The following DHX29 variants were observed in gnomAD, a reference collection of about 807,000 sequenced individuals.
DHX29 encodes DExH-box helicase 29.
A neutral mutation model predicts 167.9 loss-of-function variants in DHX29; 79 were observed. The observed-to-expected ratio is 0.47, with a 90% CI of 0.39 to 0.57. The LOEUF is 0.57. DHX29 is among the 20% of genes least tolerant of loss of function. The pLI is 0.00. For synonymous variants in DHX29, 530 were observed against 546.0 expected, an observed-to-expected ratio of 0.97 and a Z score of 0.41; for missense variants, 1,347 against 1,593.4, an observed-to-expected ratio of 0.85 and a Z score of 2.63.
At position 55,283,530 on chromosome 5, in the gene DHX29, C is replaced by A. The variant is rs764464538; in HGVS notation, c.1638G>T (p.Leu546Phe). ...LSLESANVEDLEPVRNLFRKL... is the reference protein window; with the variant it reads ...LSLESANVEDFEPVRNLFRKL... ...TTCTAAAGAGGTTTCTAACAGGTTCCAAATCTTCCACATTTGCTGATTCCA... is the reference window on the plus strand; with the variant it reads ...TTCTAAAGAGGTTTCTAACAGGTTCAAAATCTTCCACATTTGCTGATTCCA... The change falls in exon 11 of 27, where the codon TTG becomes TTT. Residue 546 changes from leucine (L) to phenylalanine (F), a missense_variant. Physicochemically the swap from Leu to Phe is conservative, Grantham distance 22 (BLOSUM62 0). Around this residue, in one of 3 missense-constraint regions of DHX29, gnomAD observed 882 missense variants for 1,082.4 expected, o/e 0.81. Transcript: ENST00000251636. The A allele has an allele frequency of 2.5e-6, 4 of 1,614,172 alleles. No homozygotes were observed. The Admixed American group carries it at 6.7e-5, about 27-fold the overall frequency.
intron 16 of DHX29, among the ~76,000 whole-genome samples, chr5:55,273,755 A>C (rs1416409084): frequency 6.6e-6 from 1 of 152,068 alleles, no homozygotes; most frequent in African/African-American, 2.4e-5. Flanking sequence ...TCACCATCTT[A>C]CTTTTTAACC....
At position 55,307,653 on chromosome 5, in the gene DHX29, C is replaced by G. The variant is rs1748959450; in HGVS notation, c.-80G>C. 2 of 1,541,794 alleles carry G rather than the reference C, an allele frequency of 1.3e-6. No individual in the cohort carries two copies. The highest frequency in any genetic ancestry group is 1.8e-6 in the Non-Finnish European group (2 of 1,139,268). ...ACAGCCGAGAGCTCTTCACATTCCC[C>G]GGCTCCGGGGCTGCCACCCTGCGCT... On this transcript the variant is annotated 5_prime_UTR_variant, in exon 1 of 27. Transcript: ENST00000251636.
chr5:55,287,954 A>AAAG (rs1319250007), intron 8 of DHX29, among the ~76,000 whole-genome samples: 2 of 151,156 alleles, frequency 1.3e-5, no homozygotes, highest in Non-Finnish European at 3.0e-5. Context: ...AAAAAAAAAA[A>AAAG]GAAAGAAAGA....
chr5:55,265,532 T>G (rs1746516315), intron 23 of DHX29, among the ~76,000 whole-genome samples: 1 of 152,136 alleles, frequency 6.6e-6, no homozygotes, highest in African/African-American at 2.4e-5. Flanking sequence ...GGACAATGTA[T>G]CTGGTTTCTT....
chr5:55,283,372 C>T lies in DHX29; in HGVS notation c.1796G>A (p.Ser599Asn), dbSNP rs781366157. The change falls in exon 11 of 27, where the codon AGT (serine) becomes AAT (asparagine). Residue 599 changes from serine (S) to asparagine (N), a missense_variant. Transcript: ENST00000251636. ...ATGTGGTACCTGAGTACTTTTACCA[C>T]TCCCTGTTTCACCTGCCACAACCAC... is the stretch of plus-strand genomic sequence containing the variant. ...RVVVVAGETG[S>N]GKSTQVPHFL... 1 of 1,614,082 alleles carries T rather than the reference C, an allele frequency of 6.2e-7. No individual in the cohort carries two copies. Among genetic ancestry groups the T allele is most frequent in the African/African-American group, 1.3e-5 (1 of 74,936 alleles).
In DHX29 at chr5:55,277,259, T is replaced by A; in HGVS notation, c.2133A>T (p.Ser711=). The change falls in exon 13 of 27, where the codon TCA becomes TCT. Residue 711 remains serine, a synonymous_variant. Transcript: ENST00000251636. ...VDEVHERSVQ[S]DFLLIILKEI... is the part of the protein sequence containing the mutation. ...CCTTCAAGATAATTAGTAGGAAGTC[T>A]GACTGGACACTTCTTTCATGAACCT... The A allele has an allele frequency of 6.2e-7, 1 of 1,606,538 alleles. No homozygotes were observed. Among genetic ancestry groups the A allele is most frequent in the Non-Finnish European group, 8.5e-7 (1 of 1,175,524 alleles).
chr5:55,273,467 C>CT, intron 16 of DHX29, 90 bp from the exon 17 acceptor site: 1 of 1,311,210 alleles, frequency 7.6e-7, no homozygotes, highest in Non-Finnish European at 9.8e-7. Context: ...TAGCAAGCAA[C>CT]TTTAAGATTT....
At chr5:55,270,374 G>T (rs761687601) in intron 20 of DHX29, 38 bp downstream of exon 20, 1 of 1,557,700 alleles carries the variant, frequency 6.4e-7, no homozygotes, top group Non-Finnish European at 8.7e-7. Flanking sequence ...CTAGAAAGGG[G>T]CGAAGGACAA....
At chr5:55,262,352 GGATT>G (rs1434780051) in intron 24 of DHX29, among the ~76,000 whole-genome samples, 4 of 151,976 alleles carry the variant, frequency 2.6e-5, no homozygotes, top group Non-Finnish European at 5.9e-5. Context: ...AATACTAAGG[GGATT>G]GATACATTAT....
chr5:55,267,351 T>A, intron 22 of DHX29, 120 bp from the exon 23 acceptor site: 1 of 726,800 alleles, frequency 1.4e-6, no homozygotes, highest in East Asian at 2.7e-5. Flanking sequence ...AGGGGAGGGA[T>A]CTTGCTTGTA....
At chr5:55,273,499 CAT>C in intron 16 of DHX29, 122 bp from the exon 17 acceptor site, 2 of 1,228,376 alleles carry the variant, frequency 1.6e-6, no homozygotes, top group Non-Finnish European at 2.1e-6. Context: ...AAAATTTAAA[CAT>C]ACACAAGTGT....
At position 55,267,670 on chromosome 5, in the gene DHX29, C is replaced by A; in HGVS notation, c.3431+16G>T. 2 of 1,583,966 alleles carry A rather than the reference C, an allele frequency of 1.3e-6. No homozygotes were observed. Among genetic ancestry groups the A allele is most frequent in the South Asian group, 1.2e-5 (1 of 85,708 alleles). ...AGGTAATTGGCTTACTGATAACAGC[C>A]AGATTATGTTTTTACCCTAGATATG... On this transcript the variant is annotated intron_variant, in intron 22 of 26. Transcript: ENST00000251636.
At position 55,262,743 on chromosome 5, in the gene DHX29, C is replaced by T. The variant is rs765350812; in HGVS notation, c.3715G>A (p.Val1239Ile). 1 of 1,613,970 alleles carries T rather than the reference C, an allele frequency of 6.2e-7. No homozygotes were observed. Among genetic ancestry groups the T allele is most frequent in the Non-Finnish European group, 8.5e-7 (1 of 1,179,990 alleles). ...ACAATGCAAGCCAATTTTTCTGTAA[C>T]ATCCACTGACTTTGTATAGATTATC... is the stretch of plus-strand genomic sequence containing the variant. ...GKIIYTKSVD[V>I]TEKLACIVET... Residue 1239 changes from valine to isoleucine, a missense_variant, in exon 24 of 27, where the codon GTT becomes ATT. Physicochemically the swap from Val to Ile is conservative, Grantham distance 29. Coordinates refer to ENST00000251636, the MANE Select transcript of DHX29 (RefSeq NM_019030.4).
intron 8 of DHX29, among the ~76,000 whole-genome samples, chr5:55,288,189 GC>G (rs1380861894): frequency 6.6e-6 from 1 of 151,850 alleles, no homozygotes; most frequent in Non-Finnish European, 1.5e-5. Flanking sequence ...GTTGCAGTGA[GC>G]TGAGATAATG....
intron 14 of DHX29, 149 bp from the exon 15 acceptor site, chr5:55,275,159 T>C (rs1206846676): frequency 2.3e-6 from 2 of 879,142 alleles, no homozygotes; most frequent in Non-Finnish European, 3.4e-6. Flanking sequence ...AGGAAGCGTA[T>C]ACTTTTTAAT....
intron 23 of DHX29, among the ~76,000 whole-genome samples, chr5:55,263,532 G>A (rs932805343): frequency 1.3e-4 from 19 of 151,826 alleles, no homozygotes; most frequent in African/African-American, 4.1e-4. Flanking sequence ...TTTACCTTTA[G>A]GATATCCTTT....
At position 55,295,496 on chromosome 5, in the gene DHX29, T is replaced by C. The variant is rs1748269997; in HGVS notation, c.534A>G (p.Glu178=). 6.2e-7 allele frequency: 1 copy of C among 1,613,868 alleles called. No individual in the cohort carries two copies. Among genetic ancestry groups the C allele is most frequent in the South Asian group, 1.1e-5 (1 of 91,058 alleles). ...TACTTTTAGGTTGCTGCTCTTCAAA[T>C]TCCTGACTGAATCCTTCAGGAAGTG... ...DDALPEGFSQ[E]FEEQQPKSRP... Residue 178 remains glutamate, a synonymous_variant, in exon 5 of 27, where the codon GAA becomes GAG. Transcript: ENST00000251636.
intron 14 of DHX29, 40 bp from the exon 15 acceptor site, chr5:55,275,050 T>C: frequency 6.3e-7 from 1 of 1,595,750 alleles, no homozygotes. Flanking sequence ...ATAAAAATAT[T>C]AAGTATTTTT....
At chr5:55,291,321 A>G (rs959489299) in intron 6 of DHX29, among the ~76,000 whole-genome samples, 9 of 152,228 alleles carry the variant, frequency 5.9e-5, no homozygotes, top group Non-Finnish European at 1.2e-4. Flanking sequence ...AAGGAAAAAG[A>G]GACAATTAAG....
Sources: allele counts gnomAD v4.1 joint callset (sites outside exome capture counted in the v4.1 genomes callset), GRCh38; gene constraint gnomAD v4.1.1; regional missense constraint gnomAD v4.1.1; transcripts MANE v1.5; gene names NCBI Gene and HGNC (gene_info 2026-07-23, HGNC 2026-07-21).